FBXO11: variants seen among roughly 807,000 people sequenced by gnomAD.
The protein encoded by FBXO11 is F-box only protein 11.
Under a neutral mutation model 117.0 loss-of-function variants are expected in FBXO11, and 13 were observed. That is an observed-to-expected ratio of 0.11 (90% CI 0.07 to 0.18). The LOEUF is 0.18. Ranked by LOEUF, FBXO11 falls within the 10% of genes least tolerant of loss-of-function variation. FBXO11 has a pLI of 1.00. For synonymous variants in FBXO11, 490 were observed against 380.5 expected (o/e 1.29, Z -3.35); for missense variants, 767 against 1,164.4 (o/e 0.66, Z 4.97).
At chr2:47,860,684 T>A (rs898322537) in intron 1 of FBXO11, among the ~76,000 whole-genome samples, 1 of 149,382 alleles carries the variant, frequency 6.7e-6, no homozygotes, top group East Asian at 2.0e-4. Context: ...TAGAATTACA[T>A]GCGTGAGCCA....
At chr2:47,881,162 G>C (rs576095732) in intron 1 of FBXO11, among the ~76,000 whole-genome samples, 25 of 152,230 alleles carry the variant, frequency 1.6e-4, no homozygotes, top group East Asian at 1.9e-4. Flanking sequence ...TGACGCAGTA[G>C]AATCACTTGA....
In FBXO11 at chr2:47,852,234, C is replaced by T. The variant is rs559717368; in HGVS notation, c.233-12465G>A. On this transcript the variant is annotated intron_variant, in intron 1 of 22. Transcript: ENST00000403359. The stretch of plus-strand genomic sequence containing the variant: ...CGAACTCCTGACCTAAGGTGATCCA[C>T]CTGCCTCGGCCTCCCAAAGTGCTGG... Among the ~76,000 whole-genome samples, 11 of 152,254 alleles carry T rather than the reference C, an allele frequency of 7.2e-5. No individual in the cohort carries two copies. In the South Asian group the frequency reaches 2.3e-3, roughly 32 times the overall value.
At chr2:47,863,765 ACCAC>A (rs1674974133) in intron 1 of FBXO11, among the ~76,000 whole-genome samples, 1 of 152,184 alleles carries the variant, frequency 6.6e-6, no homozygotes, top group Non-Finnish European at 1.5e-5. Context: ...ACAGGGTGGA[ACCAC>A]ATATCTACTA....
At chr2:47,843,682 T>G (rs1428377853) in intron 1 of FBXO11, among the ~76,000 whole-genome samples, 1 of 152,174 alleles carries the variant, frequency 6.6e-6, no homozygotes, top group Non-Finnish European at 1.5e-5. Context: ...ATTTTTTAAA[T>G]CCTTTATTTT....
chr2:47,820,800 A>G (rs542406931), intron 13 of FBXO11, among the ~76,000 whole-genome samples: 13 of 152,232 alleles, frequency 8.5e-5, no homozygotes, highest in African/African-American at 3.1e-4. Context: ...TCTACCTCAC[A>G]GTGTTGATGT....
intron 1 of FBXO11, among the ~76,000 whole-genome samples, chr2:47,893,166 TTAAATAAA>T (rs369987358): frequency 2.8e-5 from 4 of 141,478 alleles, no homozygotes; most frequent in Admixed American, 1.4e-4. Context: ...AAAAAATAAA[TTAAATAAA>T]TAAATAAATA....
Position 47,870,650 on chromosome 2 carries a change from T to G in FBXO11, c.233-30881A>C, listed in dbSNP as rs539954877. Among the ~76,000 whole-genome samples, 3 of 152,364 alleles carry G rather than the reference T, an allele frequency of 2.0e-5. No homozygotes were observed. The South Asian group carries it at 6.2e-4, about 32-fold the overall frequency. On this transcript the variant is annotated intron_variant, in intron 1 of 22. Coordinates refer to ENST00000403359, the MANE Select transcript of FBXO11 (RefSeq NM_001190274.2). Reference sequence around the variant, plus strand: ...TTCTACCCAGATTCTCAAAGAATCATGGTGCTGCTGCTACTTTGATTTTAA... The same window carrying G: ...TTCTACCCAGATTCTCAAAGAATCAGGGTGCTGCTGCTACTTTGATTTTAA...
At chr2:47,840,425 C>G (rs1170056302) in intron 1 of FBXO11, among the ~76,000 whole-genome samples, 1 of 149,592 alleles carries the variant, frequency 6.7e-6, no homozygotes, top group African/African-American at 2.5e-5. Context: ...AAAAGGGTGT[C>G]AGAGGGTAGT....
chr2:47,902,857 A>G (rs1216984467), intron 1 of FBXO11, among the ~76,000 whole-genome samples: 1 of 152,082 alleles, frequency 6.6e-6, no homozygotes, highest in African/African-American at 2.4e-5. Context: ...ATCCACTATT[A>G]AGTAACTCTA....
At chr2:47,896,883 A>G (rs971528108) in intron 1 of FBXO11, among the ~76,000 whole-genome samples, 1 of 152,198 alleles carries the variant, frequency 6.6e-6, no homozygotes, top group Non-Finnish European at 1.5e-5. Context: ...CTTTCAAAAT[A>G]TAGTGCCTTA....
At chr2:47,833,858 G>A (rs1434796552) in intron 7 of FBXO11, among the ~76,000 whole-genome samples, 5 of 151,478 alleles carry the variant, frequency 3.3e-5, no homozygotes, top group Non-Finnish European at 7.4e-5. Context: ...AGTAAAGATG[G>A]GGTTTCACCA....
intron 1 of FBXO11, among the ~76,000 whole-genome samples, chr2:47,889,014 AGAG>A (rs1264727011): frequency 1.3e-5 from 2 of 152,226 alleles, no homozygotes; most frequent in African/African-American, 4.8e-5. Context: ...ACCTTGGACT[AGAG>A]AAGATGAAGG....
chr2:47,839,088 A>C, intron 3 of FBXO11, 85 bp from the exon 4 acceptor site: 1 of 1,405,480 alleles, frequency 7.1e-7, no homozygotes, highest in South Asian at 1.5e-5. Context: ...TTATCTAATG[A>C]ATAGCTTTTT....
intron 1 of FBXO11, among the ~76,000 whole-genome samples, chr2:47,852,920 T>C (rs1420010884): frequency 6.6e-6 from 1 of 152,134 alleles, no homozygotes; most frequent in African/African-American, 2.4e-5. Context: ...GAATTTTAAA[T>C]CACATGGGTA....
intron 1 of FBXO11, among the ~76,000 whole-genome samples, chr2:47,857,851 G>C (rs760264829): frequency 6.6e-6 from 1 of 152,108 alleles, no homozygotes; most frequent in Non-Finnish European, 1.5e-5. Flanking sequence ...TTACAAGACA[G>C]CCTTTGCAGC....
intron 18 of FBXO11, among the ~76,000 whole-genome samples, chr2:47,811,874 TG>T (rs1284787462): frequency 1.3e-5 from 2 of 152,226 alleles, no homozygotes; most frequent in African/African-American, 4.8e-5. Flanking sequence ...CCAGAGCAGC[TG>T]GAAGTACAGG....
intron 1 of FBXO11, among the ~76,000 whole-genome samples, chr2:47,852,901 G>T (rs1392816941): frequency 6.6e-6 from 1 of 152,136 alleles, no homozygotes; most frequent in Non-Finnish European, 1.5e-5. Flanking sequence ...GTATTAAGCA[G>T]CAGAGGCAGA....
chr2:47,882,115 C>T (rs1676474203), intron 1 of FBXO11, among the ~76,000 whole-genome samples: 1 of 152,210 alleles, frequency 6.6e-6, no homozygotes, highest in African/African-American at 2.4e-5. Flanking sequence ...CCATGTCTAT[C>T]AGCTGAAGTT....
Position 47,906,463 on chromosome 2 carries a change from A to T in FBXO11, c.-743T>A, listed in dbSNP as rs1572945088. ...GCTTCTGCTGCTGCTCCGTGGCAGG[A>T]GGAGCCATTGACACCGCCGGAGCCT... On this transcript the variant is annotated 5_prime_UTR_variant, in exon 1 of 23. Coordinates refer to ENST00000403359, the MANE Select transcript of FBXO11 (RefSeq NM_001190274.2). Among the ~76,000 whole-genome samples, 4 of 151,790 alleles carry T rather than the reference A, an allele frequency of 2.6e-5. No individual in the cohort carries two copies. In the South Asian group the frequency reaches 8.3e-4, roughly 32 times the overall value.
Sources: gnomAD v4.1 joint callset for allele counts (sites outside exome capture counted in the v4.1 genomes callset) on GRCh38, gnomAD v4.1.1 for gene constraint, MANE v1.5 for transcripts, NCBI Gene and HGNC (gene_info 2026-07-23, HGNC 2026-07-21) for gene names.